ARPC4: variants seen among roughly 807,000 people sequenced by gnomAD.
ARPC4 encodes actin-related protein 2/3 complex subunit 4.
Under a neutral mutation model 22.8 loss-of-function variants are expected in ARPC4, and 3 were observed. The observed-to-expected ratio is 0.13, with a 90% CI of 0.06 to 0.34. ARPC4 has a LOEUF of 0.34. Among genes scored for constraint, ARPC4 ranks in the 10% least tolerant of loss-of-function variants. The probability of loss-of-function intolerance (pLI) is 1.00; values close to 1 mark genes in which losing one functional copy is unlikely to be tolerated. For synonymous variants in ARPC4, 80 were observed against 72.5 expected (o/e 1.10, Z -0.52); for missense variants, 98 against 211.0 (o/e 0.46, Z 3.32).
chr3:9,800,762 C>T (rs965687289), intron 3 of ARPC4, among the ~76,000 whole-genome samples: 7 of 151,770 alleles, frequency 4.6e-5, no homozygotes, highest in African/African-American at 9.7e-5. Context: ...AGGATGAAAA[C>T]GAAGCACTGT....
intron 4 of ARPC4, 74 bp from the exon 5 acceptor site, chr3:9,803,769 C>A: frequency 1.4e-6 from 2 of 1,472,476 alleles, no homozygotes; most frequent in Non-Finnish European, 1.9e-6. Flanking sequence ...GAGGACATGA[C>A]CAGCTCAGTT....
At chr3:9,800,155 T>C (rs1273345837) in intron 2 of ARPC4, 30 bp from the exon 3 acceptor site, 1 of 1,611,292 alleles carries the variant, frequency 6.2e-7, no homozygotes, top group Non-Finnish European at 8.5e-7. Flanking sequence ...CCCTCTGTAG[T>C]ACAAGTACTC....
At chr3:9,792,880 C>T, upstream of ARPC4, 1 of 1,384,754 alleles carries the variant, frequency 7.2e-7, no homozygotes, top group Non-Finnish European at 9.3e-7. Flanking sequence ...GAAGCTGCAC[C>T]CATTCCTGGA....
At chr3:9,803,456 C>T (rs868151127) in intron 4 of ARPC4, 1 of 459,648 alleles carries the variant, frequency 2.2e-6, no homozygotes, top group Non-Finnish European at 4.4e-6. Flanking sequence ...CACAGCCCTC[C>T]AGCAGAAAAA....
chr3:9,799,663 G>A (rs1242151141), intron 2 of ARPC4, among the ~76,000 whole-genome samples: 12 of 152,066 alleles, frequency 7.9e-5, no homozygotes, highest in African/African-American at 2.2e-4. Context: ...GGCTGGTCTC[G>A]AACTCCTGAC....
Position 9,793,265 on chromosome 3 carries a change from AAG to A in ARPC4, c.3+145_3+146del, listed in dbSNP as rs905873514. On this transcript the variant is annotated intron_variant, in intron 1 of 5. Coordinates refer to ENST00000397261, the MANE Select transcript of ARPC4 (RefSeq NM_005718.5). ...GTGGGGACACGATGAGGGTGGGAAA[AAG>A]AGACGGGGCGGGGGCCCGAGGTGAG... 40 of 1,410,136 alleles carry A rather than the reference AAG, an allele frequency of 2.8e-5. No individual in the cohort carries two copies. The Admixed American group carries it at 1.1e-3, about 38-fold the overall frequency. 87.4% of individuals were successfully genotyped at this position (1,410,136 alleles called of 1,614,324 possible).
chr3:9,799,992 C>T lies in ARPC4; in HGVS notation c.123-193C>T, dbSNP rs141858435. The T allele has an allele frequency of 6.7e-5, 46 of 683,968 alleles. 1 individual carries two copies. In the East Asian group the frequency reaches 7.7e-4, roughly 11 times the overall value. 42.4% of individuals were successfully genotyped at this position (683,968 alleles called of 1,614,324 possible). ...AGGAGGCTGGATTTCAAAACCTTTT[C>T]GCCCTGACTTCAGAGCCTGTGCTCT... is the stretch of plus-strand genomic sequence containing the variant. On this transcript the variant is annotated intron_variant, in intron 2 of 5. Coordinates refer to ENST00000397261, the MANE Select transcript of ARPC4 (RefSeq NM_005718.5).
In ARPC4 at chr3:9,797,670, C is replaced by G; in HGVS notation, c.15C>G (p.Leu5=). The change falls in exon 2 of 6, where the codon CTC becomes CTG. Residue 5 remains leucine (L), a synonymous_variant. Transcript: ENST00000397261. The stretch of plus-strand genomic sequence containing the variant: ...GTTATTTCCTATAGACTGCCACTCT[C>G]CGCCCCTACCTGAGTGCCGTGCGGG... MTAT[L]RPYLSAVRAT... 1.9e-6 allele frequency: 3 copies of G among 1,613,926 alleles called. No individual in the cohort carries two copies. The highest frequency in any genetic ancestry group is 2.5e-6 in the Non-Finnish European group (3 of 1,179,864).
chr3:9,804,619 C>A (rs1288429856), intron 5 of ARPC4, among the ~76,000 whole-genome samples: 3 of 152,160 alleles, frequency 2.0e-5, no homozygotes. Context: ...TCAGAACATG[C>A]CTTTTTTTTT....
At chr3:9,802,676 T>A (rs1275554800) in intron 4 of ARPC4, among the ~76,000 whole-genome samples, 2 of 62,420 alleles carry the variant, frequency 3.2e-5, no homozygotes, top group African/African-American at 1.2e-4. Flanking sequence ...CGCCTGGCCT[T>A]TTTTTTTCTT....
At chr3:9,802,743 CACTG>C (rs1200279007) in intron 4 of ARPC4, among the ~76,000 whole-genome samples, 5 of 148,746 alleles carry the variant, frequency 3.4e-5, no homozygotes, top group Non-Finnish European at 7.4e-5. Flanking sequence ...GGCGCAGTCT[CACTG>C]ACTGCAACCT....
intron 1 of ARPC4, among the ~76,000 whole-genome samples, chr3:9,796,816 C>T (rs1249328772): frequency 6.6e-6 from 1 of 151,828 alleles, no homozygotes; most frequent in Non-Finnish European, 1.5e-5. Context: ...TGGTGGGCGC[C>T]TGTAGTCCCA....
At chr3:9,801,084 G>T (rs925147741) in intron 3 of ARPC4, among the ~76,000 whole-genome samples, 1 of 151,682 alleles carries the variant, frequency 6.6e-6, no homozygotes, top group South Asian at 2.1e-4. Flanking sequence ...GGTGGCACGC[G>T]CCTGTAATCC....
intron 1 of ARPC4, 87 bp downstream of exon 1, chr3:9,793,211 G>A (rs1172807981): frequency 2.8e-5 from 42 of 1,493,966 alleles, no homozygotes; most frequent in Non-Finnish European, 3.7e-5. Flanking sequence ...TTGCCGCAGG[G>A]GCGCGGGGCC....
chr3:9,801,205 C>A (rs2125645790), intron 3 of ARPC4, among the ~76,000 whole-genome samples: 1 of 87,824 alleles, frequency 1.1e-5, no homozygotes, highest in Non-Finnish European at 2.0e-5. Flanking sequence ...AGCGAGATTC[C>A]ATCTCAGAAA....
At position 9,794,510 on chromosome 3, in the gene ARPC4, C is replaced by T. The variant is rs115658957; in HGVS notation, c.3+1386C>T. 5.6e-3 allele frequency among the ~76,000 whole-genome samples: 849 copies of T among 151,950 alleles called. 14 individuals carry two copies. The highest frequency in any genetic ancestry group is 0.019 in the African/African-American group (806 of 41,440). On this transcript the variant is annotated intron_variant, in intron 1 of 5. Transcript: ENST00000397261. ...TAAGACTCCGTCTCAAAAAAAAAAG[C>T]GTTGCAAAAACTTGCTGGGTATGGT...
upstream of ARPC4, chr3:9,792,860 G>A: frequency 7.3e-7 from 1 of 1,369,612 alleles, no homozygotes; most frequent in Non-Finnish European, 9.4e-7. Flanking sequence ...GAAGGCCGAA[G>A]GCACAAAGGG....
chr3:9,794,358 G>A (rs942745303), intron 1 of ARPC4, among the ~76,000 whole-genome samples: 5 of 152,130 alleles, frequency 3.3e-5, no homozygotes, highest in Admixed American at 2.6e-4. Context: ...AATTAGCCGG[G>A]CGTGGTGGTG....
chr3:9,803,085 G>C (rs1333706177), intron 4 of ARPC4, among the ~76,000 whole-genome samples: 1 of 150,818 alleles, frequency 6.6e-6, no homozygotes, highest in Non-Finnish European at 1.5e-5. Context: ...GGGTTTCACT[G>C]TGTTAGCCAG....
Sources: gnomAD v4.1 joint callset for allele counts (sites outside exome capture counted in the v4.1 genomes callset) on GRCh38, gnomAD v4.1.1 for gene constraint, MANE v1.5 for transcripts, NCBI Gene and HGNC (gene_info 2026-07-23, HGNC 2026-07-21) for gene names.